Variants in LSAMP observed in about 807,000 individuals in gnomAD.
LSAMP encodes limbic system-associated membrane protein.
LSAMP carries 7 observed loss-of-function variants against 38.6 expected under a neutral mutation model. That is an observed-to-expected ratio of 0.18 (90% CI 0.10 to 0.34). The LOEUF (loss-of-function observed/expected upper bound fraction) is 0.34. Among genes scored for constraint, LSAMP ranks in the 10% least tolerant of loss-of-function variants. LSAMP has a pLI of 1.00. For synonymous variants in LSAMP, 154 were observed against 166.8 expected (o/e 0.92, Z 0.59); for missense variants, 313 against 420.0 (o/e 0.75, Z 2.23).
At chr3:116,255,095 A>G (rs1490645839) in intron 1 of LSAMP, among the ~76,000 whole-genome samples, 1 of 152,148 alleles carries the variant, frequency 6.6e-6, no homozygotes, top group Non-Finnish European at 1.5e-5. Context: ...ATTTCAATGA[A>G]GAGCTCTATT....
chr3:116,033,830 G>A (rs999731029), intron 2 of LSAMP, among the ~76,000 whole-genome samples: 1 of 152,124 alleles, frequency 6.6e-6, no homozygotes, highest in Admixed American at 6.6e-5. Context: ...TGGGGAGAAC[G>A]TGATGCAGAT....
At chr3:116,172,878 T>C (rs1344066407) in intron 1 of LSAMP, among the ~76,000 whole-genome samples, 1 of 151,936 alleles carries the variant, frequency 6.6e-6, no homozygotes, top group African/African-American at 2.4e-5. Context: ...CTTTCCCCTC[T>C]TCATGACAGG....
chr3:115,926,223 C>G (rs13081113), intron 3 of LSAMP, among the ~76,000 whole-genome samples: 31,700 of 151,888 alleles, frequency 0.21, 3,488 homozygotes, highest in East Asian at 0.34. Context: ...TGGGGCAAAG[C>G]TAGATGAGAG....
chr3:115,947,194 A>G (rs1472979957), intron 3 of LSAMP, among the ~76,000 whole-genome samples: 1 of 152,168 alleles, frequency 6.6e-6, no homozygotes, highest in East Asian at 1.9e-4. Flanking sequence ...TAAATATTAT[A>G]TTTGATTATG....
At chr3:116,272,377 T>G (rs895726896) in intron 1 of LSAMP, among the ~76,000 whole-genome samples, 3 of 152,094 alleles carry the variant, frequency 2.0e-5, no homozygotes, top group African/African-American at 2.4e-5. Context: ...CAAGATAAGT[T>G]TCATTCATTG....
At chr3:116,057,948 CACACACACCCACACACACA>C (rs2107742764) in intron 2 of LSAMP, among the ~76,000 whole-genome samples, 1 of 106,174 alleles carries the variant, frequency 9.4e-6, no homozygotes, top group Non-Finnish European at 2.1e-5. Flanking sequence ...CACACACACA[CACACACACCCACACACACA>C]CACACACACA....
intron 1 of LSAMP, among the ~76,000 whole-genome samples, chr3:116,103,523 T>A (rs1047757697): frequency 1.3e-5 from 2 of 149,044 alleles, no homozygotes; most frequent in African/African-American, 2.5e-5. Flanking sequence ...TTTTTGTTCA[T>A]GTGTTCTTTC....
At chr3:116,419,030 T>C (rs2049088664) in intron 1 of LSAMP, among the ~76,000 whole-genome samples, 1 of 152,170 alleles carries the variant, frequency 6.6e-6, no homozygotes, top group Non-Finnish European at 1.5e-5. Context: ...AGGCAAACTG[T>C]TACTTGAGCA....
intron 3 of LSAMP, among the ~76,000 whole-genome samples, chr3:115,916,986 T>C (rs1937265920): frequency 6.6e-6 from 1 of 152,150 alleles, no homozygotes; most frequent in Non-Finnish European, 1.5e-5. Flanking sequence ...AATGTGTATA[T>C]TATGAAAAAG....
At chr3:116,301,022 A>C (rs1448264756) in intron 1 of LSAMP, among the ~76,000 whole-genome samples, 2 of 152,038 alleles carry the variant, frequency 1.3e-5, no homozygotes, top group African/African-American at 4.8e-5. Context: ...ATATTATTGT[A>C]CCTTAAAATG....
At chr3:115,932,533 T>A (rs1169324414) in intron 3 of LSAMP, among the ~76,000 whole-genome samples, 1 of 152,134 alleles carries the variant, frequency 6.6e-6, no homozygotes, top group Non-Finnish European at 1.5e-5. Context: ...GAATAGACAA[T>A]GATGTGAAGA....
At chr3:115,957,447 AT>A (rs959721189) in intron 3 of LSAMP, among the ~76,000 whole-genome samples, 71 of 148,776 alleles carry the variant, frequency 4.8e-4, no homozygotes, top group African/African-American at 1.3e-3. Flanking sequence ...CCCATCACCT[AT>A]TTTTTTTTTA....
At chr3:116,042,301 A>G (rs1941191807) in intron 2 of LSAMP, among the ~76,000 whole-genome samples, 1 of 152,208 alleles carries the variant, frequency 6.6e-6, no homozygotes, top group African/African-American at 2.4e-5. Context: ...TAATGGTACT[A>G]ATGGAAATAC....
chr3:116,272,533 C>T (rs2046987913), intron 1 of LSAMP, among the ~76,000 whole-genome samples: 1 of 152,120 alleles, frequency 6.6e-6, no homozygotes, highest in South Asian at 2.1e-4. Context: ...TGCAATTTCT[C>T]AATGAAGAAT....
chr3:116,396,012 G>A (rs2048762274), intron 1 of LSAMP, among the ~76,000 whole-genome samples: 1 of 152,134 alleles, frequency 6.6e-6, no homozygotes. Flanking sequence ...TTAAACCAGT[G>A]AAAGCTCTTC....
At chr3:116,287,875 G>T (rs1302912645) in intron 1 of LSAMP, among the ~76,000 whole-genome samples, 1 of 152,022 alleles carries the variant, frequency 6.6e-6, no homozygotes, top group East Asian at 1.9e-4. Flanking sequence ...AGCCTCCCTG[G>T]CTAAGAACAC....
chr3:116,210,311 A>T (rs1174600376), intron 1 of LSAMP, among the ~76,000 whole-genome samples: 1 of 152,182 alleles, frequency 6.6e-6, no homozygotes, highest in Non-Finnish European at 1.5e-5. Flanking sequence ...GGAGAGGCAG[A>T]TCCATCCTCA....
At position 116,171,863 on chromosome 3, in the gene LSAMP, A is replaced by T. The variant is rs114646642; in HGVS notation, c.156-85307T>A. On this transcript the variant is annotated intron_variant, in intron 1 of 6. Coordinates refer to ENST00000490035, the MANE Select transcript of LSAMP (RefSeq NM_002338.5). ...ATCTCTATCTCTTTGGAGTTCAAAC[A>T]GTGACCAGTTCATTGTGGTTCCTCA... Among the ~76,000 whole-genome samples the T allele has an allele frequency of 4.6e-4, 70 of 152,228 alleles. 1 individual carries two copies. The highest frequency in any genetic ancestry group is 1.6e-3 in the African/African-American group (68 of 41,566).
intron 1 of LSAMP, among the ~76,000 whole-genome samples, chr3:116,156,456 G>T (rs568188888): frequency 3.4e-4 from 52 of 152,186 alleles, no homozygotes; most frequent in Admixed American, 8.5e-4. Context: ...TAGGTGAACA[G>T]CATGACATGG....
Sources: allele counts gnomAD v4.1 joint callset (sites outside exome capture counted in the v4.1 genomes callset), GRCh38; gene constraint gnomAD v4.1.1; transcripts MANE v1.5; gene names NCBI Gene and HGNC (gene_info 2026-07-23, HGNC 2026-07-21).